Variants in PCSK5 observed in about 807,000 individuals in gnomAD.
The protein encoded by PCSK5 is proprotein convertase subtilisin/kexin type 5.
Under a neutral mutation model 233.2 loss-of-function variants are expected in PCSK5, and 129 were observed. The observed-to-expected ratio is 0.55, with a 90% CI of 0.48 to 0.64. The LOEUF (loss-of-function observed/expected upper bound fraction) is 0.64. PCSK5 is among the 30% of genes least tolerant of loss of function. The pLI is 0.00. For synonymous variants in PCSK5, 825 were observed against 879.2 expected (o/e 0.94, Z 1.09); for missense variants, 2,076 against 2,430.1 (o/e 0.85, Z 3.06).
At chr9:75,933,077 G>C (rs192712104) in intron 2 of PCSK5, among the ~76,000 whole-genome samples, 1 of 152,082 alleles carries the variant, frequency 6.6e-6, no homozygotes, top group Non-Finnish European at 1.5e-5. Flanking sequence ...TCCAGACGAC[G>C]TACCCCTGGG....
chr9:75,905,558 T>G (rs572567357), intron 1 of PCSK5, among the ~76,000 whole-genome samples: 1 of 152,276 alleles, frequency 6.6e-6, no homozygotes, highest in South Asian at 2.1e-4. Context: ...TACAACTTTG[T>G]AAACATACTA....
chr9:76,295,293 T>C lies in PCSK5; in HGVS notation c.3204T>C (p.Tyr1068=), dbSNP rs1032471431. 3 of 1,611,398 alleles carry C rather than the reference T, an allele frequency of 1.9e-6. No individual in the cohort carries two copies. Among genetic ancestry groups the C allele is most frequent in the Non-Finnish European group, 2.5e-6 (3 of 1,179,074 alleles). The part of the protein sequence containing the change: ...MGYYRFDHHC[Y]KTCPEKTYSE... ...CCTCTAGGTTTGATCACCATTGTTA[T>C]AAAACCTGTCCTGAGAAGACCTACA... Residue 1068 remains tyrosine (Y), a synonymous_variant, in exon 26 of 38, where the codon TAT becomes TAC. Transcript: ENST00000674117.
At chr9:75,891,526 C>G in intron 1 of PCSK5, among the ~76,000 whole-genome samples, 153 bp downstream of exon 1, 1 of 73,248 alleles carries the variant, frequency 1.4e-5, no homozygotes, top group East Asian at 3.1e-4. Flanking sequence ...CGCGCGCGCG[C>G]GTACGCACAC....
intron 5 of PCSK5, among the ~76,000 whole-genome samples, chr9:76,046,559 C>CTTTTTTTTTTTTTTTTTTTTT (rs553542037): frequency 9.5e-5 from 10 of 104,806 alleles, no homozygotes; most frequent in Non-Finnish European, 1.5e-4. Context: ...CTTTCTTTTT[C>CTTTTTTTTTTTTTTTTTTTTT]TTTTTTTTTT....
intron 21 of PCSK5, 97 bp from the exon 22 acceptor site, chr9:76,233,362 CA>C: frequency 1.6e-6 from 2 of 1,243,688 alleles, no homozygotes; most frequent in Non-Finnish European, 1.1e-6. Flanking sequence ...ACAATGAAGT[CA>C]AATCTGTCCA....
intron 3 of PCSK5, among the ~76,000 whole-genome samples, chr9:76,022,624 C>A (rs762449860): frequency 2.6e-5 from 4 of 152,104 alleles, no homozygotes; most frequent in Non-Finnish European, 5.9e-5. Flanking sequence ...TTTAAAGGAA[C>A]AATTGTGTGG....
chr9:76,159,499 C>T (rs563006155), intron 12 of PCSK5, among the ~76,000 whole-genome samples: 1 of 152,328 alleles, frequency 6.6e-6, no homozygotes, highest in African/African-American at 2.4e-5. Flanking sequence ...TATCTGTTGT[C>T]ATTCGTTACA....
chr9:76,259,454 A>C (rs559437202), intron 24 of PCSK5, among the ~76,000 whole-genome samples: 15 of 87,720 alleles, frequency 1.7e-4, no homozygotes, highest in African/African-American at 7.6e-4. Flanking sequence ...CTCTGTCTAC[A>C]CTACACACAC....
chr9:75,937,659 C>G (rs376461320), intron 2 of PCSK5, among the ~76,000 whole-genome samples: 1 of 152,230 alleles, frequency 6.6e-6, no homozygotes, highest in Non-Finnish European at 1.5e-5. Context: ...CATCTTCTTT[C>G]AACAGAAGGC....
chr9:76,156,154 TATAAG>T (rs1315468020), intron 10 of PCSK5, among the ~76,000 whole-genome samples: 2 of 152,342 alleles, frequency 1.3e-5, no homozygotes, highest in South Asian at 2.1e-4. Flanking sequence ...AATGTAAAGT[TATAAG>T]AGACAGTTCA....
At chr9:76,025,709 T>A (rs577843818) in intron 4 of PCSK5, among the ~76,000 whole-genome samples, 11 of 152,178 alleles carry the variant, frequency 7.2e-5, no homozygotes, top group Non-Finnish European at 1.0e-4. Flanking sequence ...CTCTGAGACT[T>A]CTTTTCCCTC....
In PCSK5 at chr9:76,071,884, A is replaced by G; in HGVS notation, c.880A>G (p.Asn294Asp). 6.2e-7 allele frequency: 1 copy of G among 1,614,042 alleles called. No homozygotes were observed. Among genetic ancestry groups the G allele is most frequent in the Non-Finnish European group, 8.5e-7 (1 of 1,179,974 alleles). Reference protein sequence around the residue: ...PAPLTRQAFENGVRMGRRGLG... With the variant: ...PAPLTRQAFEDGVRMGRRGLG... ...CCCCCTCACCCGGCAAGCCTTTGAA[A>G]ACGGCGTTAGAATGGTAGGTTTTAA... Residue 294 changes from asparagine to aspartate, a missense_variant, in exon 7 of 38, where the codon AAC (asparagine) becomes GAC (aspartate). Physicochemically the swap from Asn to Asp is conservative, Grantham distance 23. This residue lies in a region of PCSK5 where 178 missense variants were observed against 393.6 expected (regional missense o/e 0.45). Transcript: ENST00000674117.
rs549534068 is a variant in PCSK5, at chr9:76,034,716, A to G, written c.632+7679A>G. 3.9e-5 allele frequency among the ~76,000 whole-genome samples: 6 copies of G among 152,294 alleles called. No individual in the cohort carries two copies. The East Asian group carries it at 7.7e-4, about 20-fold the overall frequency. ...CACCTGTGAACTTATTAATTCTTTTATAAAACTTTTTTAAAATCCTAGATG... is the reference window on the plus strand; with the variant it reads ...CACCTGTGAACTTATTAATTCTTTTGTAAAACTTTTTTAAAATCCTAGATG... On this transcript the variant is annotated intron_variant, in intron 5 of 37. Transcript: ENST00000674117.
intron 24 of PCSK5, among the ~76,000 whole-genome samples, chr9:76,273,562 G>GT (rs1291633133): frequency 0.013 from 1,024 of 78,484 alleles, 16 homozygotes; most frequent in African/African-American, 0.055. Flanking sequence ...TAACAAAATA[G>GT]TAATATATAT....
rs549156506 is a variant in PCSK5, at chr9:75,904,844, A to G, written c.192+13471A>G. Among the ~76,000 whole-genome samples, 6 of 152,360 alleles carry G rather than the reference A, an allele frequency of 3.9e-5. No homozygotes were observed. In the South Asian group the frequency reaches 1.2e-3, roughly 32 times the overall value. On this transcript the variant is annotated intron_variant, in intron 1 of 37. Coordinates refer to ENST00000674117, the MANE Select transcript of PCSK5 (RefSeq NM_001372043.1). ...AACATTTGTCCACACAAAATCTTGTAGATAAGTGTTCATGCCATCATTATT... is the reference window on the plus strand; with the variant it reads ...AACATTTGTCCACACAAAATCTTGTGGATAAGTGTTCATGCCATCATTATT...
chr9:76,191,033 T>C (rs1001813429), intron 20 of PCSK5, among the ~76,000 whole-genome samples: 2 of 152,156 alleles, frequency 1.3e-5, no homozygotes, highest in Admixed American at 1.3e-4. Context: ...ATTTAAATTA[T>C]TCCAACTCCA....
At chr9:75,970,462 T>C (rs1825770028) in intron 2 of PCSK5, among the ~76,000 whole-genome samples, 1 of 152,198 alleles carries the variant, frequency 6.6e-6, no homozygotes, top group Non-Finnish European at 1.5e-5. Flanking sequence ...TCTCTACTCA[T>C]CAGACAGTTC....
chr9:76,188,763 A>ATACTT (rs1266679341), intron 18 of PCSK5, 88 bp downstream of exon 18: 1 of 893,050 alleles, frequency 1.1e-6, no homozygotes, highest in Non-Finnish European at 1.8e-6. Context: ...AACCCACTTG[A>ATACTT]TACTTTTAAA....
At chr9:75,972,507 A>G (rs1434610828) in intron 2 of PCSK5, among the ~76,000 whole-genome samples, 1 of 152,190 alleles carries the variant, frequency 6.6e-6, no homozygotes, top group Non-Finnish European at 1.5e-5. Flanking sequence ...CTTCCTATCC[A>G]TGAGCATGGA....
Sources: allele counts gnomAD v4.1 joint callset (sites outside exome capture counted in the v4.1 genomes callset), GRCh38; gene constraint gnomAD v4.1.1; regional missense constraint gnomAD v4.1.1; transcripts MANE v1.5; gene names NCBI Gene and HGNC (gene_info 2026-07-23, HGNC 2026-07-21).